Variants in GTF2E2 observed in about 807,000 individuals in gnomAD.
The protein encoded by GTF2E2 is transcription initiation factor IIE subunit beta.
Under a neutral mutation model 40.5 loss-of-function variants are expected in GTF2E2, and 21 were observed. That is an observed-to-expected ratio of 0.52 (90% confidence interval 0.37 to 0.75). The LOEUF is 0.75. Ranked by LOEUF, GTF2E2 falls within the 30% of genes least tolerant of loss-of-function variation. GTF2E2 has a pLI of 0.00. For missense variants in GTF2E2, 298 were observed against 338.4 expected, an observed-to-expected ratio of 0.88 and a Z score of 0.94; for synonymous variants, 117 against 121.6, an observed-to-expected ratio of 0.96 and a Z score of 0.25.
Position 30,614,639 on chromosome 8 carries a change from C to G in GTF2E2, c.335G>C (p.Gly112Ala). The G allele has an allele frequency of 6.2e-7, 1 of 1,600,486 alleles. No individual in the cohort carries two copies. Among genetic ancestry groups the G allele is most frequent in the Non-Finnish European group, 8.6e-7 (1 of 1,167,980 alleles). Residue 112 changes from glycine (G) to alanine (A), a missense_variant, in exon 4 of 8, where the codon GGA becomes GCA. Gly to Ala is a moderately conservative substitution (Grantham distance 60). Transcript: ENST00000355904. ...CATTAGCCATTGTTTCTGCTTGAGTCCAATATCTAAATGTTGTGTTTCATC... is the reference window on the plus strand; with the variant it reads ...CATTAGCCATTGTTTCTGCTTGAGTGCAATATCTAAATGTTGTGTTTCATC... ...ILDETQHLDI[G>A]LKQKQWLMTE...
chr8:30,619,766 CAAT>C (rs898001222), intron 3 of GTF2E2, among the ~76,000 whole-genome samples: 6 of 152,088 alleles, frequency 3.9e-5, no homozygotes, highest in Admixed American at 6.5e-5. Flanking sequence ...AATTTTCTAA[CAAT>C]GATTTATAGC....
At chr8:30,628,438 C>G (rs1035203504) in intron 3 of GTF2E2, among the ~76,000 whole-genome samples, 2 of 152,126 alleles carry the variant, frequency 1.3e-5, no homozygotes, top group Non-Finnish European at 2.9e-5. Context: ...TTATTATTAA[C>G]TTATCATGTC....
intron 6 of GTF2E2, chr8:30,597,264 C>T (rs1010740333): frequency 6.6e-6 from 1 of 152,164 alleles, no homozygotes; most frequent in Admixed American, 6.6e-5. Context: ...GTTTAAGGCT[C>T]TTATCTCATA....
At chr8:30,589,827 G>C (rs939640706) in intron 6 of GTF2E2, among the ~76,000 whole-genome samples, 1 of 152,114 alleles carries the variant, frequency 6.6e-6, no homozygotes, top group Non-Finnish European at 1.5e-5. Flanking sequence ...CTTTTTACTC[G>C]GGATAAACAC....
At position 30,649,920 on chromosome 8, in the gene GTF2E2, T is replaced by C. The variant is rs182209625; in HGVS notation, c.166+3513A>G. Among the ~76,000 whole-genome samples the C allele has an allele frequency of 3.0e-3, 454 of 152,120 alleles. 2 individuals carry two copies. Among genetic ancestry groups the C allele is most frequent in the Admixed American group, 5.8e-3 (89 of 15,278 alleles). On this transcript the variant is annotated intron_variant, in intron 2 of 7. Transcript: ENST00000355904. ...GTACCAAAAGTAACTCAAAAAGAAA[T>C]AGAAAATCTGAGTAAACTGAAAAGA...
intron 3 of GTF2E2, among the ~76,000 whole-genome samples, chr8:30,620,387 C>A (rs1801058395): frequency 6.6e-6 from 1 of 151,986 alleles, no homozygotes; most frequent in African/African-American, 2.4e-5. Context: ...AAAACGAGAC[C>A]TTCATCACTT....
chr8:30,607,226 TA>T, intron 5 of GTF2E2, 76 bp from the exon 6 acceptor site: 1 of 587,506 alleles, frequency 1.7e-6, no homozygotes, highest in South Asian at 2.7e-5. Context: ...ATTTAAACAA[TA>T]AAGGAGTTTC....
chr8:30,580,090 A>C (rs1298337329), intron 7 of GTF2E2, among the ~76,000 whole-genome samples, 191 bp downstream of exon 7: 1 of 152,112 alleles, frequency 6.6e-6, no homozygotes, highest in Non-Finnish European at 1.5e-5. Context: ...GGGTGTAGAA[A>C]GGCACTCACA....
At chr8:30,594,879 T>C (rs946967308) in intron 6 of GTF2E2, among the ~76,000 whole-genome samples, 2 of 151,046 alleles carry the variant, frequency 1.3e-5, no homozygotes, top group Non-Finnish European at 3.0e-5. Flanking sequence ...AAAAAGTATA[T>C]ACTAGAGTCT....
At chr8:30,583,899 G>C (rs1037875926) in intron 6 of GTF2E2, among the ~76,000 whole-genome samples, 1 of 151,868 alleles carries the variant, frequency 6.6e-6, no homozygotes, top group Non-Finnish European at 1.5e-5. Flanking sequence ...TCCACCTCCC[G>C]GGTTCACGCC....
chr8:30,609,723 C>T (rs1829428941), intron 5 of GTF2E2, among the ~76,000 whole-genome samples: 1 of 152,142 alleles, frequency 6.6e-6, no homozygotes, highest in African/African-American at 2.4e-5. Context: ...TCATGTCAAA[C>T]TGTAATCCCC....
At chr8:30,619,045 T>G (rs1314655239) in intron 3 of GTF2E2, among the ~76,000 whole-genome samples, 2 of 151,754 alleles carry the variant, frequency 1.3e-5, no homozygotes, top group Non-Finnish European at 2.9e-5. Flanking sequence ...CGGGTTCAAG[T>G]GATCCTCCTG....
chr8:30,622,401 G>A (rs1396381667), intron 3 of GTF2E2, among the ~76,000 whole-genome samples: 1 of 151,206 alleles, frequency 6.6e-6, no homozygotes, highest in Non-Finnish European at 1.5e-5. Flanking sequence ...GTACAAATAG[G>A]GTGTGGGTCA....
intron 5 of GTF2E2, among the ~76,000 whole-genome samples, chr8:30,608,936 A>G (rs1331184373): frequency 6.6e-6 from 1 of 152,114 alleles, no homozygotes. Context: ...TTTTTAGTAG[A>G]GACAGCGTTT....
intron 2 of GTF2E2, among the ~76,000 whole-genome samples, chr8:30,637,851 A>G (rs2128724682): frequency 6.6e-6 from 1 of 152,324 alleles, no homozygotes; most frequent in Non-Finnish European, 1.5e-5. Context: ...AGAAGTCTAC[A>G]TAGCATGTAC....
intron 3 of GTF2E2, among the ~76,000 whole-genome samples, chr8:30,634,149 T>C (rs1364209966): frequency 6.6e-6 from 1 of 152,178 alleles, no homozygotes. Context: ...ATAAATTTAG[T>C]TAAGATTCAA....
intron 1 of GTF2E2, among the ~76,000 whole-genome samples, chr8:30,657,323 A>T (rs922973064): frequency 6.6e-6 from 1 of 152,292 alleles, no homozygotes; most frequent in Admixed American, 6.5e-5. Flanking sequence ...AAACCCAAAA[A>T]TTAAACTGAA....
chr8:30,588,397 A>C (rs1828744273), intron 6 of GTF2E2, among the ~76,000 whole-genome samples: 1 of 152,240 alleles, frequency 6.6e-6, no homozygotes, highest in African/African-American at 2.4e-5. Context: ...AGCCTTAAAA[A>C]AGAAAGGAAT....
intron 2 of GTF2E2, among the ~76,000 whole-genome samples, chr8:30,642,933 T>C (rs1437754139): frequency 6.6e-6 from 1 of 152,196 alleles, no homozygotes; most frequent in Admixed American, 6.5e-5. Flanking sequence ...AGTTCACTTA[T>C]ACCTCAAAAG....
Sources: allele counts gnomAD v4.1 joint callset (sites outside exome capture counted in the v4.1 genomes callset), GRCh38; gene constraint gnomAD v4.1.1; transcripts MANE v1.5; gene names NCBI Gene and HGNC (gene_info 2026-07-23, HGNC 2026-07-21).